COL28A1: variants seen among roughly 807,000 people sequenced by gnomAD.
COL28A1 encodes the protein collagen type XXVIII alpha 1 chain.
COL28A1 carries 161 observed loss-of-function variants against 150.2 expected under a neutral mutation model. That is an observed-to-expected ratio of 1.07 (90% confidence interval 0.94 to 1.22). The LOEUF is 1.22. Among genes scored for constraint, COL28A1 ranks in the 50% most tolerant of loss-of-function variants. The probability of loss-of-function intolerance (pLI) is 0.00; values close to 1 mark genes in which losing one functional copy is unlikely to be tolerated. For synonymous variants in COL28A1, 552 were observed against 469.7 expected, an observed-to-expected ratio of 1.18 and a Z score of -2.26; for missense variants, 1,617 against 1,388.3, an observed-to-expected ratio of 1.16 and a Z score of -2.62.
At chr7:7,525,452 A>T (rs528947585) in intron 3 of COL28A1, among the ~76,000 whole-genome samples, 1 of 152,366 alleles carries the variant, frequency 6.6e-6, no homozygotes, top group East Asian at 1.9e-4. Flanking sequence ...ATCTATGTTT[A>T]TATATAGAAT....
chr7:7,521,761 G>C (rs773222726), intron 5 of COL28A1, 144 bp downstream of exon 5: 36 of 642,090 alleles, frequency 5.6e-5, no homozygotes, highest in East Asian at 3.3e-4. Flanking sequence ...AGAAATAAAA[G>C]AAAGAAGTAG....
At chr7:7,385,437 C>G (rs965691494) in intron 27 of COL28A1, among the ~76,000 whole-genome samples, 1 of 152,156 alleles carries the variant, frequency 6.6e-6, no homozygotes, top group African/African-American at 2.4e-5. Context: ...GGAGCTGAGA[C>G]TGTGGTGTGA....
intron 25 of COL28A1, among the ~76,000 whole-genome samples, chr7:7,427,546 A>G (rs1013152928): frequency 1.3e-5 from 2 of 152,168 alleles, no homozygotes; most frequent in African/African-American, 4.8e-5. Context: ...TGTTCCACCA[A>G]TGCCTGTTGG....
At chr7:7,499,326 C>A (rs1269155520) in intron 11 of COL28A1, among the ~76,000 whole-genome samples, 1 of 152,120 alleles carries the variant, frequency 6.6e-6, no homozygotes, top group African/African-American at 2.4e-5. Context: ...GCAGTCACAA[C>A]CCTTGTTCAA....
intron 25 of COL28A1, among the ~76,000 whole-genome samples, chr7:7,425,174 T>C (rs1321054921): frequency 6.6e-6 from 1 of 152,206 alleles, no homozygotes; most frequent in Non-Finnish European, 1.5e-5. Flanking sequence ...TATTCCATTT[T>C]ACAGATAAGG....
chr7:7,435,975 T>A (rs1247403837), intron 23 of COL28A1, among the ~76,000 whole-genome samples: 2 of 152,234 alleles, frequency 1.3e-5, no homozygotes, highest in African/African-American at 4.8e-5. Flanking sequence ...TCTTCTTATT[T>A]GTCTTTCCCT....
At chr7:7,488,849 T>C (rs1430831245) in intron 13 of COL28A1, among the ~76,000 whole-genome samples, 1 of 152,236 alleles carries the variant, frequency 6.6e-6, no homozygotes, top group Non-Finnish European at 1.5e-5. Context: ...TTTCTTCTTG[T>C]TCAAGTTGAT....
intron 33 of COL28A1, among the ~76,000 whole-genome samples, chr7:7,366,388 A>G (rs1780933922): frequency 6.6e-6 from 1 of 152,220 alleles, no homozygotes; most frequent in Non-Finnish European, 1.5e-5. Context: ...AGCTTCAGCA[A>G]TGAGACCACA....
chr7:7,455,994 T>C (rs1413365082), intron 16 of COL28A1, 50 bp downstream of exon 16: 2 of 1,608,966 alleles, frequency 1.2e-6, no homozygotes, highest in Non-Finnish European at 8.5e-7. Context: ...AAGACCAGGA[T>C]TGGGCTGGAA....
At chr7:7,378,884 G>A (rs1781713426) in intron 30 of COL28A1, among the ~76,000 whole-genome samples, 1 of 152,180 alleles carries the variant, frequency 6.6e-6, no homozygotes, top group Admixed American at 6.5e-5. Flanking sequence ...CAACCCACTA[G>A]TCCTACACTG....
At chr7:7,438,752 T>C (rs954583958) in intron 21 of COL28A1, among the ~76,000 whole-genome samples, 6 of 152,162 alleles carry the variant, frequency 3.9e-5, no homozygotes, top group Admixed American at 3.3e-4. Flanking sequence ...GTGATCAAAA[T>C]TTTACTGGAG....
chr7:7,395,470 A>T (rs1034006254), intron 27 of COL28A1, among the ~76,000 whole-genome samples: 4 of 152,226 alleles, frequency 2.6e-5, no homozygotes, highest in African/African-American at 9.6e-5. Flanking sequence ...AAAATGGCTA[A>T]CTAAGGCCAA....
the COL28A1 span, among the ~76,000 whole-genome samples, chr7:7,345,143 TTAA>T: frequency 2.0e-5 from 3 of 151,978 alleles, no homozygotes; most frequent in East Asian, 5.8e-4. Flanking sequence ...TAACAACCCC[TTAA>T]TAAAGTAACT....
downstream of COL28A1, among the ~76,000 whole-genome samples, chr7:7,351,341 G>T (rs1169665517): frequency 6.6e-6 from 1 of 152,166 alleles, no homozygotes; most frequent in Non-Finnish European, 1.5e-5. Context: ...GCTTTACAAG[G>T]TCAGAGTAGG....
At chr7:7,338,627 A>T in the COL28A1 span, among the ~76,000 whole-genome samples, 1 of 151,932 alleles carries the variant, frequency 6.6e-6, no homozygotes, top group African/African-American at 2.4e-5. Flanking sequence ...ATCATATCTC[A>T]GTGAAGAAAG....
chr7:7,477,992 T>C (rs554819836), intron 13 of COL28A1, among the ~76,000 whole-genome samples: 4 of 152,240 alleles, frequency 2.6e-5, no homozygotes, highest in African/African-American at 9.6e-5. Context: ...ATTAGCTAGA[T>C]ACAGAGTGTC....
At chr7:7,488,302 T>G (rs1045487101) in intron 13 of COL28A1, among the ~76,000 whole-genome samples, 1 of 152,202 alleles carries the variant, frequency 6.6e-6, no homozygotes, top group African/African-American at 2.4e-5. Context: ...CTTTTTTGAA[T>G]TAGTATGTTC....
intron 11 of COL28A1, among the ~76,000 whole-genome samples, chr7:7,494,135 C>T (rs746019438): frequency 1.3e-5 from 2 of 152,214 alleles, no homozygotes; most frequent in Admixed American, 1.3e-4. Flanking sequence ...AACACCCATA[C>T]TATGGGCTTC....
intron 15 of COL28A1, among the ~76,000 whole-genome samples, chr7:7,464,479 G>GAAT (rs1362160707): frequency 9.9e-5 from 15 of 152,146 alleles, no homozygotes; most frequent in African/African-American, 3.4e-4. Flanking sequence ...GACCACAGTG[G>GAAT]AATAAAACTG....
Sources: gnomAD v4.1 joint callset for allele counts (sites outside exome capture counted in the v4.1 genomes callset) on GRCh38, gnomAD v4.1.1 for gene constraint, MANE v1.5 for transcripts, NCBI Gene and HGNC (gene_info 2026-07-23, HGNC 2026-07-21) for gene names.